The following ATP4A variants were observed in gnomAD, a reference collection of about 807,000 sequenced individuals.
ATP4A encodes the protein potassium-transporting ATPase alpha chain 1.
ATP4A carries 73 observed loss-of-function variants against 112.1 expected under a neutral mutation model. The observed-to-expected ratio is 0.65, with a 90% confidence interval of 0.54 to 0.79. ATP4A has a LOEUF of 0.79. Among genes scored for constraint, ATP4A ranks in the 30% least tolerant of loss-of-function variants. The probability of loss-of-function intolerance (pLI) is 0.00; values close to 1 mark genes in which losing one functional copy is unlikely to be tolerated. For missense variants in ATP4A, 1,081 were observed against 1,425.9 expected (o/e 0.76, Z 3.90); for synonymous variants, 588 against 588.9 (o/e 1.00, Z 0.02).
chr19:35,555,167 C>T lies in ATP4A; in HGVS notation c.2325G>A (p.Gln775=). The change falls in exon 15 of 22, where the codon CAG becomes CAA. Residue 775 remains glutamine (Q), a splice_region_variant and synonymous_variant. Coordinates refer to ENST00000262623, the MANE Select transcript of ATP4A (RefSeq NM_000704.3). This position sits in a 1 kb window ranked among gnomAD's most constrained non-coding sequence, Gnocchi z 6.6. ...NFASIVTGVE[Q]GRLIFDNLKK... is the part of the protein sequence containing the mutation. ...CCCTCCCCCTGGCGTGGCTCGGACC[C>T]TGCTCCACGCCTGTCACAATGGAGG... is the stretch of plus-strand genomic sequence containing the variant. 1 of 1,614,156 alleles carries T rather than the reference C, an allele frequency of 6.2e-7. No homozygotes were observed. The highest frequency in any genetic ancestry group is 1.3e-5 in the African/African-American group (1 of 75,032).
rs1472784483 is a variant in ATP4A at position 35,551,551 on chromosome 19, G to A, written c.2781C>T (p.Tyr927=). ...TGATGAAGAACACGGTGTAGCAGGT[G>A]TACTGCTGGTACAGGCGCTGCCCGA... The part of the protein sequence containing the change: ...WTFGQRLYQQ[Y]TCYTVFFISI... Residue 927 remains tyrosine (Y), a synonymous_variant, in exon 19 of 22, where the codon TAC becomes TAT. Transcript: ENST00000262623. The surrounding 1 kb of genome is among the most constrained non-coding windows in gnomAD (Gnocchi z 5.2). 8 of 1,613,630 alleles carry A rather than the reference G, an allele frequency of 5.0e-6. No individual in the cohort carries two copies. The highest frequency in any genetic ancestry group is 6.8e-6 in the Non-Finnish European group (8 of 1,179,796).
At position 35,553,782 on chromosome 19, in the gene ATP4A, C is replaced by T. The variant is rs1286536070; in HGVS notation, c.2529G>A (p.Met843Ile). 2 of 1,607,580 alleles carry T rather than the reference C, an allele frequency of 1.2e-6. No individual in the cohort carries two copies. Among genetic ancestry groups the T allele is most frequent in the African/African-American group, 1.3e-5 (1 of 74,880 alleles). Residue 843 changes from methionine to isoleucine, a missense_variant, in exon 17 of 22, where the codon ATG becomes ATA. Physicochemically the swap from Met to Ile is conservative, Grantham distance 10 (BLOSUM62 1). This residue lies in a region of ATP4A where 219 missense variants were observed against 320.9 expected (regional missense o/e 0.68). Coordinates refer to ENST00000262623, the MANE Select transcript of ATP4A (RefSeq NM_000704.3). Reference sequence around the variant, plus strand: ...GCTTTGGGTTGCGTGGACGCAGGTGCATGATGTCACTCTCGGCCTTTTCAT... The same window carrying T: ...GCTTTGGGTTGCGTGGACGCAGGTGTATGATGTCACTCTCGGCCTTTTCAT... The part of the protein sequence containing the change: ...LAYEKAESDI[M>I]HLRPRNPKRD...
rs746570791 is a variant in ATP4A at position 35,563,476 on chromosome 19, T to C, written c.64A>G (p.Met22Val). The C allele has an allele frequency of 6.8e-7, 1 of 1,462,792 alleles. No individual in the cohort carries two copies. 90.6% of individuals were successfully genotyped at this position (1,462,792 alleles called of 1,614,324 possible). ...TTCTTCTTGCTCATCTTGGCAGCCA[T>C]GTCCCCGCCAGGGCCAGGACCCAGC... ...VELGPGPGGD[M>V]AAKMSKKKKA... The change falls in exon 2 of 22, where the codon ATG becomes GTG. Residue 22 changes from methionine to valine, a missense_variant. Coordinates refer to ENST00000262623, the MANE Select transcript of ATP4A (RefSeq NM_000704.3).
In ATP4A at chr19:35,558,179, G is replaced by C. The variant is rs1407729171; in HGVS notation, c.1500+183C>G. Among the ~76,000 whole-genome samples the C allele has an allele frequency of 6.6e-6, 1 of 152,126 alleles. No homozygotes were observed. The highest frequency in any genetic ancestry group is 1.5e-5 in the Non-Finnish European group (1 of 68,018). ...CGAGGAGAAGCTGTGGGCGGGGCTGGGTGGTGGGCGGGGCCTTGCCTCTGG... is the reference window on the plus strand; with the variant it reads ...CGAGGAGAAGCTGTGGGCGGGGCTGCGTGGTGGGCGGGGCCTTGCCTCTGG... On this transcript the variant is annotated intron_variant, in intron 10 of 21. Transcript: ENST00000262623. This position sits in a 1 kb window ranked among gnomAD's most constrained non-coding sequence, Gnocchi z 5.1.
At chr19:35,561,847 CTTTTTT>C (rs71167554) in intron 4 of ATP4A, among the ~76,000 whole-genome samples, 5 of 103,810 alleles carry the variant, frequency 4.8e-5, no homozygotes, top group South Asian at 6.6e-4. Flanking sequence ...AGTCCCATCT[CTTTTTT>C]TTTTTTTTTT....
rs963106832 is a variant in ATP4A, at chr19:35,558,624, T to G, written c.1318A>C (p.Asn440His). 6 of 1,601,382 alleles carry G rather than the reference T, an allele frequency of 3.7e-6. No individual in the cohort carries two copies. Among genetic ancestry groups the G allele is most frequent in the Non-Finnish European group, 4.3e-6 (5 of 1,175,802 alleles). The change falls in exon 9 of 22, where the codon AAC (asparagine) becomes CAC (histidine). Residue 440 changes from asparagine to histidine, a missense_variant. Asn to His is a moderately conservative substitution (Grantham distance 68, BLOSUM62 1). Transcript: ENST00000262623. The surrounding 1 kb of genome is among the most constrained non-coding windows in gnomAD (Gnocchi z 5.1). ...TGGCCGGACTTGAAGGCGGCGCGGT[T>G]GCACAGGGTGAGCACCCGGCACAGC... ...RALCRVLTLC[N>H]RAAFKSGQDA...
chr19:35,561,081 C>A, intron 4 of ATP4A, 149 bp from the exon 5 acceptor site: 1 of 644,470 alleles, frequency 1.6e-6, no homozygotes, highest in Non-Finnish European at 2.8e-6. Flanking sequence ...TTCCCTGTAG[C>A]CTTTAGCCCC....
Position 35,550,485 on chromosome 19 carries a change from A to G in ATP4A, c.*130T>C. 1 of 1,266,558 alleles carries G rather than the reference A, an allele frequency of 7.9e-7. No homozygotes were observed. The highest frequency in any genetic ancestry group is 1.1e-6 in the Non-Finnish European group (1 of 900,038). The allele number at this position is 1,266,558 out of a possible 1,614,324, so 78.5% of individuals were successfully genotyped here. A position where few individuals can be genotyped will look rare whatever the true frequency, so the allele number is the denominator to read the frequency against. The stretch of plus-strand genomic sequence containing the variant: ...CTCCAAGTTTGGGGTGCCGTGGGCT[A>G]CAGAAGCAGATACTGGTGGGGCTGG... On this transcript the variant is annotated 3_prime_UTR_variant, in exon 22 of 22. Coordinates refer to ENST00000262623, the MANE Select transcript of ATP4A (RefSeq NM_000704.3). The surrounding 1 kb of genome is among the most constrained non-coding windows in gnomAD (Gnocchi z 4.1).
intron 2 of ATP4A, 54 bp downstream of exon 2, chr19:35,563,330 T>G: frequency 1.6e-6 from 2 of 1,281,542 alleles, no homozygotes; most frequent in African/African-American, 1.6e-5. Flanking sequence ...CCCCGCCCAC[T>G]GCCTGGTTCC....
chr19:35,555,213 A>T lies in ATP4A; in HGVS notation c.2279T>A (p.Ile760Asn). The change falls in exon 15 of 22, where the codon ATC (isoleucine) becomes AAC (asparagine). Residue 760 changes from isoleucine (I) to asparagine (N), a missense_variant. Physicochemically the swap from Ile to Asn is moderately radical, Grantham distance 149. Around this residue, in one of 3 missense-constraint regions of ATP4A, gnomAD observed 850 missense variants for 1,068.2 expected, o/e 0.80. Coordinates refer to ENST00000262623, the MANE Select transcript of ATP4A (RefSeq NM_000704.3). The surrounding 1 kb of genome is among the most constrained non-coding windows in gnomAD (Gnocchi z 6.6). ...SDAAKNAADMILLDDNFASIV... is the reference protein window; with the variant it reads ...SDAAKNAADMNLLDDNFASIV... ...GGAGGCAAAGTTGTCATCCAGCAGGATCATGTCAGCTGCATTTTTGGCAGC... is the reference window on the plus strand; with the variant it reads ...GGAGGCAAAGTTGTCATCCAGCAGGTTCATGTCAGCTGCATTTTTGGCAGC... 1 of 1,614,112 alleles carries T rather than the reference A, an allele frequency of 6.2e-7. No individual in the cohort carries two copies. Among genetic ancestry groups the T allele is most frequent in the Non-Finnish European group, 8.5e-7 (1 of 1,180,030 alleles).
At position 35,557,210 on chromosome 19, in the gene ATP4A, T is replaced by C. The variant is rs942551083; in HGVS notation, c.1694-122A>G. 1 of 1,115,202 alleles carries C rather than the reference T, an allele frequency of 9.0e-7. No individual in the cohort carries two copies. The allele number at this position is 1,115,202 out of a possible 1,614,324, so 69.1% of individuals were successfully genotyped here. ...CACCTATGGATGCCTGACCTTGTGCTGACCCCTTCACTCACATTATCTGAA... is the reference window on the plus strand; with the variant it reads ...CACCTATGGATGCCTGACCTTGTGCCGACCCCTTCACTCACATTATCTGAA... On this transcript the variant is annotated intron_variant, in intron 11 of 21. Coordinates refer to ENST00000262623, the MANE Select transcript of ATP4A (RefSeq NM_000704.3). This position sits in a 1 kb window ranked among gnomAD's most constrained non-coding sequence, Gnocchi z 4.4.
Position 35,551,375 on chromosome 19 carries a change from A to G in ATP4A, c.2885+72T>C, listed in dbSNP as rs534506412. The G allele has an allele frequency of 6.2e-7, 1 of 1,608,762 alleles. No homozygotes were observed. The highest frequency in any genetic ancestry group is 1.7e-5 in the Admixed American group (1 of 59,864). On this transcript the variant is annotated intron_variant, in intron 19 of 21. Coordinates refer to ENST00000262623, the MANE Select transcript of ATP4A (RefSeq NM_000704.3). The surrounding 1 kb of genome is among the most constrained non-coding windows in gnomAD (Gnocchi z 5.2). ...CCCGCTGGCATTTGCCGGCTGTTCT[A>G]AACCACAGTCAGGATCTGATGGGAG... is the stretch of plus-strand genomic sequence containing the variant.
rs1472743810 is a variant in ATP4A, at chr19:35,563,441, A to G, written c.99T>C (p.Gly33=). 2 of 1,525,778 alleles carry G rather than the reference A, an allele frequency of 1.3e-6. No individual in the cohort carries two copies. The highest frequency in any genetic ancestry group is 2.6e-5 in the East Asian group (1 of 37,902). 94.5% of individuals were successfully genotyped at this position (1,525,778 alleles called of 1,614,324 possible). ...TCTCCTTCCTCTTGCCACCCCCGCC[A>G]CCCGCCTTCTTCTTCTTGCTCATCT... The part of the protein sequence containing the change: ...AAKMSKKKKA[G]GGGGKRKEKL... Residue 33 remains glycine, a synonymous_variant, in exon 2 of 22, where the codon GGT becomes GGC. Coordinates refer to ENST00000262623, the MANE Select transcript of ATP4A (RefSeq NM_000704.3).
chr19:35,562,103 G>A (rs1009501248), intron 4 of ATP4A, among the ~76,000 whole-genome samples: 5 of 151,910 alleles, frequency 3.3e-5, no homozygotes, highest in South Asian at 2.1e-4. Context: ...TGATCTGCCC[G>A]CCTCGGCCTC....
chr19:35,552,841 G>T (rs550694456), intron 18 of ATP4A, among the ~76,000 whole-genome samples, 196 bp downstream of exon 18: 1 of 152,216 alleles, frequency 6.6e-6, no homozygotes, highest in Admixed American at 6.5e-5. Flanking sequence ...CTGCAGTTGC[G>T]ATCATCAGAA....
rs757993254 is a variant in ATP4A at position 35,560,054 on chromosome 19, C to T, written c.807G>A (p.Val269=). ...MCLEGTVQGL[V]VNTGDRTIIG... ...TGATGGTGCGGTCGCCCGTGTTCAC[C>T]ACCAGGCCCTGCACGGTGCCTGCAG... Residue 269 remains valine (V), a synonymous_variant, in exon 7 of 22, where the codon GTG becomes GTA. Transcript: ENST00000262623. The surrounding 1 kb of genome is among the most constrained non-coding windows in gnomAD (Gnocchi z 5.1). 36 of 1,613,946 alleles carry T rather than the reference C, an allele frequency of 2.2e-5. No homozygotes were observed. In the Admixed American group the frequency reaches 4.0e-4, roughly 18 times the overall value.
At chr19:35,554,867 G>C (rs1389373975) in intron 16 of ATP4A, 55 bp downstream of exon 16, 35 of 1,608,186 alleles carry the variant, frequency 2.2e-5, no homozygotes, top group Middle Eastern at 1.9e-4. Context: ...CTGTCCATCT[G>C]CAAGCAAGTG....
At position 35,558,497 on chromosome 19, in the gene ATP4A, C is replaced by T; in HGVS notation, c.1366-1G>A. 6.3e-7 allele frequency: 1 copy of T among 1,594,378 alleles called. No homozygotes were observed. The highest frequency in any genetic ancestry group is 8.5e-7 in the Non-Finnish European group (1 of 1,171,298). On this transcript the variant is annotated splice_acceptor_variant, in intron 9 of 21. Transcript: ENST00000262623. LOFTEE classifies it high-confidence loss of function. The surrounding 1 kb of genome is among the most constrained non-coding windows in gnomAD (Gnocchi z 5.1). Reference sequence around the variant, plus strand: ...CCGATGCGTCTCCAATCACGATGCGCTGGGAGCGGGGACCGGTGTCAGGGG... The same window carrying T: ...CCGATGCGTCTCCAATCACGATGCGTTGGGAGCGGGGACCGGTGTCAGGGG...
At chr19:35,554,326 G>C (rs996660755) in intron 16 of ATP4A, among the ~76,000 whole-genome samples, 2 of 151,832 alleles carry the variant, frequency 1.3e-5, no homozygotes, top group African/African-American at 4.8e-5. Flanking sequence ...CAGTGACCTG[G>C]GACAATCCAC....
Sources: gnomAD v4.1 joint callset for allele counts (sites outside exome capture counted in the v4.1 genomes callset) on GRCh38, gnomAD v4.1.1 for gene constraint, gnomAD v4.1.1 regional missense constraint, Gnocchi (gnomAD v3.1) non-coding constraint, MANE v1.5 for transcripts, NCBI Gene and HGNC (gene_info 2026-07-23, HGNC 2026-07-21) for gene names.